The following CLEC17A variants were observed in gnomAD, a reference collection of about 807,000 sequenced individuals.
The protein encoded by CLEC17A is C-type lectin domain family 17, member A.
In CLEC17A, 37 loss-of-function variants were observed where a neutral mutation model predicts 61.3. That is an observed-to-expected ratio of 0.60 (90% confidence interval 0.46 to 0.79). The LOEUF is 0.79. CLEC17A is among the 30% of genes least tolerant of loss of function. CLEC17A has a pLI of 0.00. For missense variants in CLEC17A, 418 were observed against 464.7 expected, an observed-to-expected ratio of 0.90 and a Z score of 0.92; for synonymous variants, 168 against 164.9, an observed-to-expected ratio of 1.02 and a Z score of -0.14.
chr19:14,588,333 A>G (rs999331439), intron 3 of CLEC17A: 1 of 151,800 alleles, frequency 6.6e-6, no homozygotes. Flanking sequence ...GCCAAAAAAA[A>G]AAAAAAAACA....
chr19:14,599,889 A>T (rs1287635736), intron 11 of CLEC17A, 77 bp downstream of exon 11: 1 of 1,499,886 alleles, frequency 6.7e-7, no homozygotes, highest in East Asian at 2.3e-5. Context: ...CATTGAAGTC[A>T]TTCTCAGTGC....
chr19:14,587,632 A>G lies in CLEC17A; in HGVS notation c.140A>G (p.Glu47Gly). 1.9e-6 allele frequency: 3 copies of G among 1,599,218 alleles called. No homozygotes were observed. The South Asian group carries it at 3.4e-5, about 18-fold the overall frequency. ...CTGGAAGGGACCATGGAGGAGGAGG[A>G]GGAGGATGATGACTATGAGAACTCA... ...PPKPGTMEEE[E>G]EDDDYENSTP... is the part of the protein sequence containing the mutation. The change falls in exon 3 of 14, where the codon GAG becomes GGG. Residue 47 changes from glutamate (E) to glycine (G), a missense_variant. Glu to Gly is a moderately conservative substitution (Grantham distance 98). Transcript: ENST00000417570.
chr19:14,582,965 ATGTGTG>A (rs35999236), upstream of CLEC17A: 105 of 551,718 alleles, frequency 1.9e-4, no homozygotes, highest in East Asian at 1.2e-3. Flanking sequence ...CTCTGTGTGT[ATGTGTG>A]TGTGTGTGTG....
chr19:14,610,166 T>C lies in CLEC17A; in HGVS notation c.1107T>C (p.Tyr369=). 1 of 1,585,564 alleles carries C rather than the reference T, an allele frequency of 6.3e-7. No individual in the cohort carries two copies. Among genetic ancestry groups the C allele is most frequent in the Non-Finnish European group, 8.6e-7 (1 of 1,165,584 alleles). Residue 369 remains tyrosine (Y), a synonymous_variant, in exon 14 of 14, where the codon TAT becomes TAC. Transcript: ENST00000417570. ...WNDLSCYKTT[Y]WICERKCSC ...ATCTCTCTTGCTACAAAACTACGTA[T>C]TGGATTTGTGAGCGGAAATGTTCCT...
At chr19:14,594,178 G>A (rs900874918) in intron 4 of CLEC17A, among the ~76,000 whole-genome samples, 1 of 152,116 alleles carries the variant, frequency 6.6e-6, no homozygotes, top group South Asian at 2.1e-4. Flanking sequence ...AGCTGAGGGG[G>A]CTGAGGCAGA....
Position 14,609,970 on chromosome 19 carries a change from C to G in CLEC17A, c.1005-94C>G, listed in dbSNP as rs983071111. 3 of 923,302 alleles carry G rather than the reference C, an allele frequency of 3.2e-6. No homozygotes were observed. In the African/African-American group the frequency reaches 4.9e-5, roughly 15 times the overall value. The allele number at this position is 923,302 out of a possible 1,614,324, so 57.2% of individuals were successfully genotyped here. A position where few individuals can be genotyped will look rare whatever the true frequency, so the allele number is the denominator to read the frequency against. ...GGCCTAATATGGGTTTTGCCAAATGCGTAGTGCCAGGTATTCATCATTACA... is the reference window on the plus strand; with the variant it reads ...GGCCTAATATGGGTTTTGCCAAATGGGTAGTGCCAGGTATTCATCATTACA... On this transcript the variant is annotated intron_variant, in intron 13 of 13. Transcript: ENST00000417570.
At chr19:14,586,236 C>T (rs1313561295) in intron 2 of CLEC17A, among the ~76,000 whole-genome samples, 1 of 151,706 alleles carries the variant, frequency 6.6e-6, no homozygotes, top group Admixed American at 6.6e-5. Flanking sequence ...AGTGATTCTC[C>T]TGACTCAGCC....
At position 14,594,624 on chromosome 19, in the gene CLEC17A, C is replaced by T. The variant is rs1392043450; in HGVS notation, c.311-8C>T. On this transcript the variant is annotated splice_region_variant and splice_polypyrimidine_tract_variant and intron_variant, in intron 5 of 13. Transcript: ENST00000417570. ...TCTGGCCCTGACCAACCATTCCTCC[C>T]TCCTCAGCAAAGGAAACAGAGAAAC... 6.2e-7 allele frequency: 1 copy of T among 1,613,914 alleles called. No individual in the cohort carries two copies. The highest frequency in any genetic ancestry group is 8.5e-7 in the Non-Finnish European group (1 of 1,179,878).
intron 3 of CLEC17A, among the ~76,000 whole-genome samples, chr19:14,588,172 G>A (rs1250679975): frequency 6.6e-6 from 1 of 151,934 alleles, no homozygotes; most frequent in East Asian, 1.9e-4. Flanking sequence ...GGTCCAACAG[G>A]AGACTGATAA....
chr19:14,603,639 T>C (rs1258068227), intron 12 of CLEC17A, among the ~76,000 whole-genome samples: 1 of 152,068 alleles, frequency 6.6e-6, no homozygotes, highest in African/African-American at 2.4e-5. Flanking sequence ...TTTGTATTTT[T>C]TTTTTTAGTA....
chr19:14,588,171 G>A (rs57602755), intron 3 of CLEC17A, among the ~76,000 whole-genome samples: 35,866 of 151,662 alleles, frequency 0.24, 7,893 homozygotes, highest in African/African-American at 0.59. Context: ...GGGTCCAACA[G>A]GAGACTGATA....
chr19:14,599,028 C>T (rs982882439), intron 10 of CLEC17A, among the ~76,000 whole-genome samples: 4 of 148,336 alleles, frequency 2.7e-5, no homozygotes, highest in Non-Finnish European at 5.9e-5. Context: ...TTTCCCTCCA[C>T]TCTTATAGGC....
chr19:14,587,112 C>A lies in CLEC17A; in HGVS notation c.122-502C>A, dbSNP rs982115935. Among the ~76,000 whole-genome samples, 44 of 151,648 alleles carry A rather than the reference C, an allele frequency of 2.9e-4. 1 individual carries two copies. Among genetic ancestry groups the A allele is most frequent in the Non-Finnish European group, 5.9e-5 (4 of 67,918 alleles). On this transcript the variant is annotated intron_variant, in intron 2 of 13. Coordinates refer to ENST00000417570, the MANE Select transcript of CLEC17A (RefSeq NM_001204118.2). ...CCACGTTGGTTGCCCAGGCTGATCT[C>A]GAACTCCCAAACTCAGGCGACCTGC...
At chr19:14,599,540 C>A (rs1346860630) in intron 10 of CLEC17A, 177 bp from the exon 11 acceptor site, 5 of 679,432 alleles carry the variant, frequency 7.4e-6, no homozygotes, top group Non-Finnish European at 1.4e-5. Flanking sequence ...CTCCTCTGAG[C>A]CATTCTCGGA....
At chr19:14,590,806 T>C (rs71334723) in intron 3 of CLEC17A, among the ~76,000 whole-genome samples, 13 of 151,586 alleles carry the variant, frequency 8.6e-5, no homozygotes, top group Admixed American at 1.3e-4. Flanking sequence ...CCCACCTCAG[T>C]CTCCCGATAG....
At chr19:14,606,265 T>C (rs941596972) in intron 12 of CLEC17A, among the ~76,000 whole-genome samples, 1 of 151,860 alleles carries the variant, frequency 6.6e-6, no homozygotes, top group Non-Finnish European at 1.5e-5. Flanking sequence ...CAGTGGCTCA[T>C]GCCTGTAATC....
intron 7 of CLEC17A, 85 bp from the exon 8 acceptor site, chr19:14,595,189 C>A: frequency 6.7e-7 from 1 of 1,503,078 alleles, no homozygotes; most frequent in Non-Finnish European, 9.2e-7. Context: ...TAAATTCTGA[C>A]CAGAGAACAA....
intron 8 of CLEC17A, among the ~76,000 whole-genome samples, 166 bp downstream of exon 8, chr19:14,595,481 G>A (rs1448092022): frequency 6.6e-6 from 1 of 152,230 alleles, no homozygotes; most frequent in Non-Finnish European, 1.5e-5. Flanking sequence ...CTCTAAGTGA[G>A]AAAGCCATTC....
chr19:14,589,684 C>T (rs2074367526), intron 3 of CLEC17A, among the ~76,000 whole-genome samples: 1 of 149,622 alleles, frequency 6.7e-6, no homozygotes, highest in African/African-American at 2.5e-5. Flanking sequence ...GGTAGTCAGC[C>T]TTCAAGATGG....
Sources: gnomAD v4.1 joint callset for allele counts (sites outside exome capture counted in the v4.1 genomes callset) on GRCh38, gnomAD v4.1.1 for gene constraint, MANE v1.5 for transcripts, NCBI Gene and HGNC (gene_info 2026-07-23, HGNC 2026-07-21) for gene names.